The following C4orf36 variants were observed in gnomAD, a reference collection of about 807,000 sequenced individuals.
C4orf36 encodes uncharacterized protein C4orf36.
Under a neutral mutation model 12.2 loss-of-function variants are expected in C4orf36, and 11 were observed. The observed-to-expected ratio is 0.90, with a 90% CI of 0.57 to 1.49. The LOEUF (loss-of-function observed/expected upper bound fraction) is 1.49, where lower values mean the gene tolerates loss of function less well. Among genes scored for constraint, C4orf36 ranks in the 40% most tolerant of loss-of-function variants. The pLI is 0.00. For synonymous variants in C4orf36, 54 were observed against 51.3 expected, an observed-to-expected ratio of 1.05 and a Z score of -0.22; for missense variants, 137 against 133.9, an observed-to-expected ratio of 1.02 and a Z score of -0.11.
chr4:86,880,067 T>C (rs1747015103), intron 4 of C4orf36, among the ~76,000 whole-genome samples: 1 of 152,154 alleles, frequency 6.6e-6, no homozygotes, highest in African/African-American at 2.4e-5. Flanking sequence ...TTGCTCAAGC[T>C]GTTCTTAAAC....
the C4orf36 span, chr4:86,914,439 C>G: frequency 1.5e-6 from 1 of 656,748 alleles, no homozygotes; most frequent in Non-Finnish European, 2.4e-6. Context: ...CTGGCTCTAT[C>G]GCCCAGGCTG....
At chr4:86,917,271 C>A in the C4orf36 span, among the ~76,000 whole-genome samples, 1 of 149,620 alleles carries the variant, frequency 6.7e-6, no homozygotes, top group East Asian at 2.0e-4. Flanking sequence ...CAGAATCAGA[C>A]CCTGTCTTCA....
At chr4:86,905,722 T>TC in the C4orf36 span, among the ~76,000 whole-genome samples, 1 of 151,268 alleles carries the variant, frequency 6.6e-6, no homozygotes, top group African/African-American at 2.4e-5. Context: ...TTTTTTTTTT[T>TC]TTTCTTTTTT....
the C4orf36 span, among the ~76,000 whole-genome samples, chr4:86,903,523 G>A: frequency 1.3e-5 from 2 of 152,184 alleles, no homozygotes; most frequent in South Asian, 2.1e-4. Flanking sequence ...TCGTGGTCTC[G>A]CTGGCTTCAG....
At chr4:86,885,910 G>A (rs1046005569) in intron 4 of C4orf36, among the ~76,000 whole-genome samples, 4 of 152,126 alleles carry the variant, frequency 2.6e-5, no homozygotes, top group African/African-American at 9.7e-5. Context: ...TAGCGTGAAG[G>A]GCTGTTGAAT....
At chr4:86,887,029 C>G (rs1178286707) in intron 4 of C4orf36, 1 of 151,812 alleles carries the variant, frequency 6.6e-6, no homozygotes, top group Admixed American at 6.6e-5. Context: ...AACCAAACAC[C>G]GCATGTTCTC....
chr4:86,911,763 T>G, the C4orf36 span, among the ~76,000 whole-genome samples: 29 of 152,164 alleles, frequency 1.9e-4, 1 homozygote, highest in Admixed American at 1.8e-3. Context: ...CATGGCTCAC[T>G]GCAGCCTTAA....
chr4:86,911,857 G>GA, the C4orf36 span, among the ~76,000 whole-genome samples: 42 of 147,140 alleles, frequency 2.9e-4, no homozygotes, highest in Admixed American at 6.7e-4. Context: ...TGGCTATTTA[G>GA]AAAAAAAAAA....
At chr4:86,931,843 G>C in the C4orf36 span, among the ~76,000 whole-genome samples, 2 of 150,766 alleles carry the variant, frequency 1.3e-5, no homozygotes, top group Non-Finnish European at 3.0e-5. Context: ...AGACCATCCT[G>C]TCTAACATGG....
intron 4 of C4orf36, among the ~76,000 whole-genome samples, chr4:86,881,325 C>T (rs115905611): frequency 0.012 from 1,859 of 152,182 alleles, 19 homozygotes; most frequent in Middle Eastern, 0.037. Context: ...AAATGTTTTA[C>T]GTAAAAATGG....
chr4:86,884,698 A>G (rs1202128340), intron 4 of C4orf36, among the ~76,000 whole-genome samples: 6 of 152,142 alleles, frequency 3.9e-5, no homozygotes, highest in Admixed American at 2.0e-4. Context: ...TTCATTGCAA[A>G]TTGGAAACTA....
the C4orf36 span, among the ~76,000 whole-genome samples, chr4:86,919,162 TC>T: frequency 6.6e-6 from 1 of 150,922 alleles, no homozygotes; most frequent in Non-Finnish European, 1.5e-5. Context: ...TCCTTTTCTC[TC>T]CTTTTTTATT....
At chr4:86,913,383 G>C in the C4orf36 span, 1 of 789,752 alleles carries the variant, frequency 1.3e-6, no homozygotes, top group Admixed American at 1.8e-5. Flanking sequence ...AGACTTGAGT[G>C]ATGCTATTCG....
the C4orf36 span, chr4:86,925,697 TAGA>T: frequency 2.0e-5 from 3 of 152,068 alleles, no homozygotes; most frequent in African/African-American, 4.8e-5. Flanking sequence ...TCTTTCTTTC[TAGA>T]AGATTTCAGA....
the C4orf36 span, chr4:86,913,757 T>C: frequency 2.7e-6 from 4 of 1,478,416 alleles, no homozygotes. Context: ...CACTGCCACC[T>C]AACTCTGACA....
chr4:86,893,665 G>A (rs1308173503), upstream of C4orf36, among the ~76,000 whole-genome samples: 4 of 151,942 alleles, frequency 2.6e-5, no homozygotes, highest in Non-Finnish European at 5.9e-5. Flanking sequence ...GGCTCGCAGG[G>A]CTGACCCATC....
In C4orf36 at chr4:86,876,445, T is replaced by G; in HGVS notation, c.*3-2A>C. ...TTCATCTACAATCCGCGCTTCAGGC[T>G]GCGCAAAGGAGAGGGGGAAAATAAG... On this transcript the variant is annotated splice_acceptor_variant, in intron 4 of 4. Coordinates refer to ENST00000295898, the MANE Select transcript of C4orf36 (RefSeq NM_144645.4). LOFTEE classifies it low-confidence loss of function (3UTR_SPLICE). 1 of 1,613,470 alleles carries G rather than the reference T, an allele frequency of 6.2e-7. No homozygotes were observed. The highest frequency in any genetic ancestry group is 1.1e-5 in the South Asian group (1 of 91,046).
chr4:86,890,195 GAGGGAGGGAGGGAGGA>G (rs1406569377), intron 2 of C4orf36: 13 of 222,618 alleles, frequency 5.8e-5, no homozygotes, highest in African/African-American at 2.1e-4. Flanking sequence ...GGGAGGGAGG[GAGGGAGGGAGGGAGGA>G]AGGAAGGAAG....
At chr4:86,921,117 A>T in the C4orf36 span, among the ~76,000 whole-genome samples, 7 of 151,164 alleles carry the variant, frequency 4.6e-5, no homozygotes, top group Admixed American at 1.3e-4. Context: ...GTGAGCCGAG[A>T]TCACACCATT....
Sources: gnomAD v4.1 joint callset for allele counts (sites outside exome capture counted in the v4.1 genomes callset) on GRCh38, gnomAD v4.1.1 for gene constraint, MANE v1.5 for transcripts, NCBI Gene and HGNC (gene_info 2026-07-23, HGNC 2026-07-21) for gene names.